Variants in ASIC2 observed in about 807,000 individuals in gnomAD.
ASIC2 encodes acid sensing ion channel subunit 2, also known as acid-sensing ion channel 2.
ASIC2 carries 25 observed loss-of-function variants against 57.3 expected under a neutral mutation model. The observed-to-expected ratio is 0.44, with a 90% CI of 0.32 to 0.61. ASIC2 has a LOEUF of 0.61. Among genes scored for constraint, ASIC2 ranks in the 20% least tolerant of loss-of-function variants. The pLI, the probability that ASIC2 is intolerant of heterozygous loss-of-function variation, is 0.06. For missense variants in ASIC2, 641 were observed against 738.1 expected (o/e 0.87, Z 1.52); for synonymous variants, 319 against 307.5 (o/e 1.04, Z -0.39).
chr17:33,518,924 C>A (rs934229233), intron 1 of ASIC2, among the ~76,000 whole-genome samples: 23 of 151,928 alleles, frequency 1.5e-4, no homozygotes, highest in African/African-American at 5.3e-4. Context: ...GGGTTCACGC[C>A]ATTCTCCTGC....
intron 1 of ASIC2, among the ~76,000 whole-genome samples, chr17:33,576,720 G>A (rs1370838118): frequency 1.3e-5 from 2 of 152,084 alleles, no homozygotes; most frequent in African/African-American, 2.4e-5. Context: ...AGAAGGAGAT[G>A]TTTTCTCCTT....
At chr17:33,405,643 C>CGGGCCAAGA (rs1910447355) in intron 1 of ASIC2, among the ~76,000 whole-genome samples, 1 of 151,988 alleles carries the variant, frequency 6.6e-6, no homozygotes, top group African/African-American at 2.4e-5. Context: ...GCCACCACAC[C>CGGGCCAAGA]CAGCTAATTT....
chr17:33,844,875 C>A (rs2141911019), intron 1 of ASIC2, among the ~76,000 whole-genome samples: 1 of 152,184 alleles, frequency 6.6e-6, no homozygotes, highest in South Asian at 2.1e-4. Context: ...TTCTAGCAAT[C>A]CTGGGATTTC....
chr17:33,667,559 G>C (rs78496377), intron 1 of ASIC2, among the ~76,000 whole-genome samples: 3,217 of 152,244 alleles, frequency 0.021, 113 homozygotes, highest in African/African-American at 0.072. Context: ...GTGGGCTTCC[G>C]AACCAGACAG....
chr17:33,569,954 A>AT (rs1299881712), intron 1 of ASIC2, among the ~76,000 whole-genome samples: 3 of 151,824 alleles, frequency 2.0e-5, no homozygotes, highest in African/African-American at 7.3e-5. Flanking sequence ...GGCAAGCTGG[A>AT]TTTTTTTCTC....
intron 1 of ASIC2, among the ~76,000 whole-genome samples, chr17:33,761,722 T>A (rs1465498401): frequency 1.3e-5 from 2 of 152,140 alleles, no homozygotes; most frequent in African/African-American, 4.8e-5. Flanking sequence ...GAAGCACAGT[T>A]GACTCTAATC....
chr17:34,018,183 A>G (rs1187734305), intron 1 of ASIC2, among the ~76,000 whole-genome samples: 1 of 151,492 alleles, frequency 6.6e-6, no homozygotes, highest in Non-Finnish European at 1.5e-5. Flanking sequence ...TGAAAATCCT[A>G]GGGCCCTTAA....
At chr17:34,132,597 C>CGTTTTACAGAGCGCTGATTGGTGT (rs1912018985) in intron 1 of ASIC2, among the ~76,000 whole-genome samples, 3 of 72,426 alleles carry the variant, frequency 4.1e-5, no homozygotes, top group Admixed American at 1.4e-4. Flanking sequence ...CTGATTGGTG[C>CGTTTTACAGAGCGCTGATTGGTGT]GTTTTACAGA....
At chr17:33,277,005 G>C (rs938661282) in intron 1 of ASIC2, among the ~76,000 whole-genome samples, 14 of 152,160 alleles carry the variant, frequency 9.2e-5, no homozygotes, top group Non-Finnish European at 1.8e-4. Flanking sequence ...CCATGTACCC[G>C]TGGTATTGAT....
chr17:33,638,711 A>G (rs1906454307), intron 1 of ASIC2, among the ~76,000 whole-genome samples: 1 of 152,198 alleles, frequency 6.6e-6, no homozygotes, highest in Admixed American at 6.5e-5. Flanking sequence ...CCCCACCTCA[A>G]GAAGGCTGCT....
intron 1 of ASIC2, among the ~76,000 whole-genome samples, chr17:33,368,347 G>A (rs1908903425): frequency 6.6e-6 from 1 of 152,212 alleles, no homozygotes; most frequent in Non-Finnish European, 1.5e-5. Flanking sequence ...GGAGTTTGTT[G>A]TTGGAGTTTT....
At chr17:33,262,165 C>T (rs779661927) in intron 1 of ASIC2, among the ~76,000 whole-genome samples, 12 of 152,178 alleles carry the variant, frequency 7.9e-5, no homozygotes, top group Non-Finnish European at 1.3e-4. Context: ...AAAGACTGCC[C>T]GGATGACCAC....
At chr17:34,031,488 A>G (rs1414326942) in intron 1 of ASIC2, among the ~76,000 whole-genome samples, 1 of 152,256 alleles carries the variant, frequency 6.6e-6, no homozygotes, top group African/African-American at 2.4e-5. Flanking sequence ...GCTCCTCACC[A>G]GCAATGGAAC....
At chr17:33,268,957 T>A (rs911730950) in intron 1 of ASIC2, among the ~76,000 whole-genome samples, 2 of 152,162 alleles carry the variant, frequency 1.3e-5, no homozygotes, top group African/African-American at 2.4e-5. Flanking sequence ...TCAACACCCC[T>A]CCTTGGGACT....
chr17:33,703,343 T>TGTTGTTGTTGTTGC (rs1908766470), intron 1 of ASIC2, among the ~76,000 whole-genome samples: 1 of 150,924 alleles, frequency 6.6e-6, no homozygotes, highest in African/African-American at 2.5e-5. Context: ...GTTGCTGTTG[T>TGTTGTTGTTGTTGC]TGTTGTTGTT....
At chr17:33,038,418 A>G (rs1183477636) in intron 3 of ASIC2, among the ~76,000 whole-genome samples, 1 of 152,226 alleles carries the variant, frequency 6.6e-6, no homozygotes, top group African/African-American at 2.4e-5. Context: ...GTTACCAGGA[A>G]GATGAATCTA....
At position 33,794,516 on chromosome 17, in the gene ASIC2, A is replaced by T. The variant is rs1170629174; in HGVS notation, c.555+361462T>A. The T allele has an allele frequency of 2.6e-5, 4 of 152,198 alleles. No homozygotes were observed. The East Asian group carries it at 7.7e-4, about 29-fold the overall frequency. The allele number at this position is 152,198 out of a possible 1,614,324, so 9.4% of individuals were successfully genotyped here. On this transcript the variant is annotated intron_variant, in intron 1 of 9. Coordinates refer to the ASIC2 transcript ENST00000359872. ...AGGGGTGATGCACATCTCATTTCAA[A>T]CACTGTAGTGTGGGGGTTGTAGAGA...
intron 1 of ASIC2, among the ~76,000 whole-genome samples, chr17:34,027,785 T>A (rs985075918): frequency 1.3e-5 from 2 of 152,228 alleles, no homozygotes; most frequent in African/African-American, 4.8e-5. Flanking sequence ...AAGGCAAGAA[T>A]CATCTTCCTC....
In ASIC2 at chr17:33,458,093, A is replaced by C. The variant is rs1912512154; in HGVS notation, c.556-346026T>G. On this transcript the variant is annotated intron_variant, in intron 1 of 9. Coordinates refer to the ASIC2 transcript ENST00000359872. ...GAGGCGTCTTTGGGGCTAGGTCTTAAGGATAAGTAGTAGATCAATGGCAGG... is the reference window on the plus strand; with the variant it reads ...GAGGCGTCTTTGGGGCTAGGTCTTACGGATAAGTAGTAGATCAATGGCAGG... Among the ~76,000 whole-genome samples the C allele has an allele frequency of 1.3e-5, 2 of 152,170 alleles. 1 individual carries two copies. The highest frequency in any genetic ancestry group is 4.1e-4 in the South Asian group (2 of 4,824).
Sources: gnomAD v4.1 joint callset for allele counts (sites outside exome capture counted in the v4.1 genomes callset) on GRCh38, gnomAD v4.1.1 for gene constraint, MANE v1.5 for transcripts, NCBI Gene and HGNC (gene_info 2026-07-23, HGNC 2026-07-21) for gene names.